Variants in SATB1 observed in about 807,000 individuals in gnomAD.
The protein encoded by SATB1 is SATB homeobox 1.
SATB1 carries 11 observed loss-of-function variants against 86.9 expected under a neutral mutation model. The observed-to-expected ratio is 0.13, with a 90% CI of 0.08 to 0.21. SATB1 has a LOEUF of 0.21. Among genes scored for constraint, SATB1 ranks in the 10% least tolerant of loss-of-function variants. SATB1 has a pLI of 1.00. For synonymous variants in SATB1, 357 were observed against 357.2 expected (o/e 1.00, Z 0.01); for missense variants, 551 against 937.6 (o/e 0.59, Z 5.39).
upstream of SATB1, among the ~76,000 whole-genome samples, chr3:18,427,575 C>T (rs1175929460): frequency 6.6e-6 from 1 of 152,182 alleles, no homozygotes; most frequent in Non-Finnish European, 1.5e-5. Flanking sequence ...ATGCTTATTA[C>T]ATCATTTTAC....
intron 9 of SATB1, among the ~76,000 whole-genome samples, chr3:18,353,248 C>T (rs1171989678): frequency 2.0e-5 from 3 of 152,150 alleles, no homozygotes; most frequent in Non-Finnish European, 4.4e-5. Flanking sequence ...AAAGTCTCTG[C>T]CCCTGTTTCT....
At chr3:18,403,954 T>A (rs904507108) in intron 5 of SATB1, among the ~76,000 whole-genome samples, 1 of 152,070 alleles carries the variant, frequency 6.6e-6, no homozygotes, top group Non-Finnish European at 1.5e-5. Context: ...CAGCTTTTTA[T>A]CTGTCCATGG....
In SATB1 at chr3:18,348,379, T is replaced by C. The variant is rs1256013368; in HGVS notation, c.*791A>G. 1.3e-5 allele frequency: 2 copies of C among 152,578 alleles called. No homozygotes were observed. Among genetic ancestry groups the C allele is most frequent in the Non-Finnish European group, 2.9e-5 (2 of 68,028 alleles). 9.5% of individuals were successfully genotyped at this position (152,578 alleles called of 1,614,324 possible). On this transcript the variant is annotated 3_prime_UTR_variant, in exon 11 of 11. Coordinates refer to ENST00000338745, the MANE Select transcript of SATB1 (RefSeq NM_002971.6). ...AAACTTTTAAGACACTTTGTTTTAC[T>C]GCCCATCAAAATACATTTATAAATA...
At chr3:18,396,856 T>C (rs565589620) in intron 6 of SATB1, among the ~76,000 whole-genome samples, 1 of 152,154 alleles carries the variant, frequency 6.6e-6, no homozygotes. Context: ...GCAAGACTTA[T>C]CAGAGAAAGA....
chr3:18,369,713 G>C (rs867972722), intron 9 of SATB1, among the ~76,000 whole-genome samples: 3 of 152,058 alleles, frequency 2.0e-5, no homozygotes, highest in African/African-American at 4.8e-5. Flanking sequence ...GTAAGGGATG[G>C]GGGGGTGGGA....
upstream of SATB1, among the ~76,000 whole-genome samples, chr3:18,443,691 T>C (rs1299578101): frequency 6.6e-6 from 1 of 152,116 alleles, no homozygotes; most frequent in East Asian, 1.9e-4. This position sits in a 1 kb window ranked among gnomAD's most constrained non-coding sequence, Gnocchi z 4.4. Flanking sequence ...CGTCGTGGTT[T>C]CCCAAACCCC....
chr3:18,371,123 T>C (rs1695461329), intron 9 of SATB1, among the ~76,000 whole-genome samples: 1 of 152,108 alleles, frequency 6.6e-6, no homozygotes, highest in Non-Finnish European at 1.5e-5. Context: ...AAACAGTGTG[T>C]TTAAACCCAA....
At position 18,348,442 on chromosome 3, in the gene SATB1, C is replaced by A. The variant is rs1214114042; in HGVS notation, c.*728G>T. The stretch of plus-strand genomic sequence containing the variant: ...TATGGTAACAAGAGAAGCAATATTA[C>A]ATTTAACGGAAACTTCCAAAAAATT... On this transcript the variant is annotated 3_prime_UTR_variant, in exon 11 of 11. Transcript: ENST00000338745. 6.6e-6 allele frequency: 1 copy of A among 152,534 alleles called. No homozygotes were observed. The highest frequency in any genetic ancestry group is 6.5e-5 in the Admixed American group (1 of 15,278). The allele number at this position is 152,534 out of a possible 1,614,324, so 9.4% of individuals were successfully genotyped here. A position where few individuals can be genotyped will look rare whatever the true frequency, so the allele number is the denominator to read the frequency against.
intron 1 of SATB1, among the ~76,000 whole-genome samples, chr3:18,438,176 T>C (rs911396912): frequency 3.3e-5 from 5 of 152,188 alleles, no homozygotes; most frequent in Non-Finnish European, 7.3e-5. Flanking sequence ...AAAGGCCAAA[T>C]TGTCATTTAC....
At chr3:18,393,216 G>A (rs1246135244) in intron 7 of SATB1, among the ~76,000 whole-genome samples, 1 of 151,942 alleles carries the variant, frequency 6.6e-6, no homozygotes, top group African/African-American at 2.4e-5. Context: ...ATGTGAGTCA[G>A]GTCAAAAAAT....
At chr3:18,397,090 A>T in intron 6 of SATB1, 89 bp downstream of exon 6, 1 of 782,404 alleles carries the variant, frequency 1.3e-6, no homozygotes, top group South Asian at 1.5e-5. Flanking sequence ...TTGGGCAATC[A>T]AAAGACCTGG....
intron 9 of SATB1, among the ~76,000 whole-genome samples, chr3:18,362,284 T>C (rs920263477): frequency 1.3e-5 from 2 of 152,092 alleles, no homozygotes; most frequent in Non-Finnish European, 2.9e-5. Flanking sequence ...AAACAGCCCT[T>C]TGAGTGGCAA....
rs1376849057 is a variant in SATB1, at chr3:18,347,031, G to A, written c.*2139C>T. On this transcript the variant is annotated 3_prime_UTR_variant, in exon 11 of 11. Transcript: ENST00000338745. ...GTTTGCAACAAACCAGCTGCCTTCA[G>A]AGGAGCTTAGCTGTGCTTCAAAAGT... 1 of 152,154 alleles carries A rather than the reference G, an allele frequency of 6.6e-6. No homozygotes were observed. The highest frequency in any genetic ancestry group is 1.5e-5 in the Non-Finnish European group (1 of 68,016). The allele number at this position is 152,154 out of a possible 1,614,324, so 9.4% of individuals were successfully genotyped here.
At chr3:18,419,273 C>T (rs1698269337) in intron 2 of SATB1, among the ~76,000 whole-genome samples, 1 of 141,126 alleles carries the variant, frequency 7.1e-6, no homozygotes, top group South Asian at 2.2e-4. Flanking sequence ...TATGATTATT[C>T]GTGCTAGTGT....
chr3:18,377,653 T>A (rs181239072), intron 9 of SATB1, among the ~76,000 whole-genome samples: 54 of 151,860 alleles, frequency 3.6e-4, no homozygotes, highest in African/African-American at 1.2e-3. Context: ...CAAAGCTATG[T>A]GTGTGTGTGT....
At chr3:18,372,844 G>C (rs1386789272) in intron 9 of SATB1, among the ~76,000 whole-genome samples, 1 of 152,166 alleles carries the variant, frequency 6.6e-6, no homozygotes, top group Non-Finnish European at 1.5e-5. Flanking sequence ...AGATGTAAGA[G>C]ATTGTTATAA....
intron 1 of SATB1, chr3:18,445,491 C>T (rs1405886632): frequency 1.0e-6 from 1 of 985,422 alleles, no homozygotes; most frequent in Non-Finnish European, 1.2e-6. Context: ...GCGCGGTTCT[C>T]GTCGCCCGCC....
intron 8 of SATB1, among the ~76,000 whole-genome samples, chr3:18,379,323 G>A (rs1695924891): frequency 1.3e-5 from 2 of 152,134 alleles, no homozygotes; most frequent in South Asian, 4.1e-4. Flanking sequence ...AAACCATGTA[G>A]CTGATTTTTT....
At position 18,346,138 on chromosome 3, in the gene SATB1, T is replaced by C. The variant is rs1265376824; in HGVS notation, c.*3032A>G. On this transcript the variant is annotated 3_prime_UTR_variant, in exon 11 of 11. Transcript: ENST00000338745. ...AGGACATACATATTAGTTACCTTGG[T>C]TTTCAAAGGTTGTCAACTCTGCATA... is the stretch of plus-strand genomic sequence containing the variant. 2 of 152,082 alleles carry C rather than the reference T, an allele frequency of 1.3e-5. No individual in the cohort carries two copies. Among genetic ancestry groups the C allele is most frequent in the Non-Finnish European group, 2.9e-5 (2 of 67,966 alleles). The allele number at this position is 152,082 out of a possible 1,614,324, so 9.4% of individuals were successfully genotyped here. A position where few individuals can be genotyped will look rare whatever the true frequency, so the allele number is the denominator to read the frequency against.
Sources: allele counts gnomAD v4.1 joint callset (sites outside exome capture counted in the v4.1 genomes callset), GRCh38; gene constraint gnomAD v4.1.1; non-coding constraint Gnocchi (gnomAD v3.1); transcripts MANE v1.5; gene names NCBI Gene and HGNC (gene_info 2026-07-23, HGNC 2026-07-21).